Variants in NEBL observed in about 807,000 individuals in gnomAD.
The protein encoded by NEBL is LIM and SH3 protein 2.
Under a neutral mutation model 140.2 loss-of-function variants are expected in NEBL, and 122 were observed. That is an observed-to-expected ratio of 0.87 (90% CI 0.75 to 1.01). The LOEUF (loss-of-function observed/expected upper bound fraction) is 1.01. Among genes scored for constraint, NEBL ranks in the 50% least tolerant of loss-of-function variants. The pLI is 0.00. For missense variants in NEBL, 1,365 were observed against 1,231.3 expected (o/e 1.11, Z -1.62); for synonymous variants, 436 against 398.9 (o/e 1.09, Z -1.11).
chr10:21,275,711 G>A (rs1352965550), intron 1 of NEBL, among the ~76,000 whole-genome samples: 1 of 148,962 alleles, frequency 6.7e-6, no homozygotes, highest in East Asian at 2.0e-4. Context: ...CGGAATCTTG[G>A]CTCACCGCAA....
chr10:21,130,921 A>T (rs1168845029), intron 2 of NEBL, among the ~76,000 whole-genome samples: 2 of 151,956 alleles, frequency 1.3e-5, no homozygotes, highest in Non-Finnish European at 2.9e-5. Context: ...AAAAGCAGGG[A>T]CTCCATACAG....
chr10:21,204,290 C>T (rs372658500), intron 3 of NEBL, among the ~76,000 whole-genome samples: 1 of 152,126 alleles, frequency 6.6e-6, no homozygotes, highest in Non-Finnish European at 1.5e-5. Context: ...AAAATTCATA[C>T]GTTGGAGCTC....
intron 26 of NEBL, among the ~76,000 whole-genome samples, chr10:20,803,271 T>C (rs979574310): frequency 6.6e-6 from 1 of 152,180 alleles, no homozygotes; most frequent in Non-Finnish European, 1.5e-5. Flanking sequence ...ATGTTCCCAA[T>C]ACAAAGAAAT....
intron 3 of NEBL, among the ~76,000 whole-genome samples, chr10:21,205,167 A>G (rs924551937): frequency 1.3e-5 from 2 of 152,244 alleles, no homozygotes; most frequent in African/African-American, 4.8e-5. Flanking sequence ...TGTCTAATTC[A>G]TGACTGAAAC....
chr10:21,265,608 G>C (rs999425025), intron 1 of NEBL, among the ~76,000 whole-genome samples: 1 of 152,202 alleles, frequency 6.6e-6, no homozygotes, highest in African/African-American at 2.4e-5. Flanking sequence ...AAACAGGAAA[G>C]GGAAGAAAGC....
chr10:20,895,114 A>G (rs1324623475), intron 2 of NEBL, among the ~76,000 whole-genome samples: 2 of 152,078 alleles, frequency 1.3e-5, no homozygotes, highest in East Asian at 3.9e-4. Context: ...ACCCCTCACA[A>G]CATGTTGGTT....
intron 4 of NEBL, among the ~76,000 whole-genome samples, chr10:20,906,296 C>T (rs1403874694): frequency 6.6e-6 from 1 of 152,082 alleles, no homozygotes; most frequent in Non-Finnish European, 1.5e-5. Flanking sequence ...CATCAAGTTA[C>T]TAACACCTAT....
In NEBL at chr10:20,980,555, T is replaced by C. The variant is rs192438970; in HGVS notation, c.250-18776A>G. On this transcript the variant is annotated intron_variant, in intron 3 of 6. Transcript: ENST00000417816. ...GCGTGCATGGTACAAACAGTGCAGG[T>C]AGCATGGAGGTGACCACCAGTAACC... Among the ~76,000 whole-genome samples the C allele has an allele frequency of 1.6e-3, 248 of 152,170 alleles. 1 individual carries two copies. The highest frequency in any genetic ancestry group is 5.6e-3 in the African/African-American group (234 of 41,502).
intron 2 of NEBL, among the ~76,000 whole-genome samples, chr10:21,104,392 C>T (rs1328760368): frequency 2.6e-5 from 4 of 152,088 alleles, no homozygotes; most frequent in Admixed American, 2.6e-4. Context: ...TTTCACTAGG[C>T]CTTATTTAAT....
chr10:21,178,612 G>T (rs571617591), upstream of NEBL, among the ~76,000 whole-genome samples: 4 of 152,302 alleles, frequency 2.6e-5, no homozygotes, highest in Admixed American at 2.6e-4. Flanking sequence ...CTGTTTTGGG[G>T]ATTATTCTGC....
chr10:21,214,534 CAT>C (rs1237307604), intron 3 of NEBL, among the ~76,000 whole-genome samples: 2 of 151,174 alleles, frequency 1.3e-5, no homozygotes, highest in Non-Finnish European at 3.0e-5. Flanking sequence ...ATTACACACA[CAT>C]ACACACATGC....
intron 1 of NEBL, among the ~76,000 whole-genome samples, chr10:21,265,847 A>G (rs577309693): frequency 1.3e-5 from 2 of 152,378 alleles, no homozygotes; most frequent in African/African-American, 4.8e-5. Flanking sequence ...GCTGTGTTCC[A>G]ATAACACTTT....
chr10:21,028,799 G>A (rs1292178286), intron 2 of NEBL, among the ~76,000 whole-genome samples: 2 of 151,384 alleles, frequency 1.3e-5, no homozygotes, highest in African/African-American at 4.9e-5. Context: ...AAGACAGAGA[G>A]AAAAAGCATA....
Position 20,860,990 on chromosome 10 carries a change from T to C in NEBL, c.685-1164A>G, listed in dbSNP as rs114922796. ...GTTCCATTTGATAATAAAAAATTTC[T>C]GATATTCTCAATACCTTACAAACTG... On this transcript the variant is annotated intron_variant, in intron 7 of 27. Coordinates refer to ENST00000377122, the MANE Select transcript of NEBL (RefSeq NM_006393.3). Among the ~76,000 whole-genome samples, 340 of 152,320 alleles carry C rather than the reference T, an allele frequency of 2.2e-3. 1 individual carries two copies. Among genetic ancestry groups the C allele is most frequent in the African/African-American group, 8.0e-3 (331 of 41,566 alleles).
chr10:20,847,013 G>A (rs1296858760), intron 11 of NEBL, among the ~76,000 whole-genome samples: 1 of 152,068 alleles, frequency 6.6e-6, no homozygotes, highest in Non-Finnish European at 1.5e-5. Flanking sequence ...ATAGGCCATA[G>A]CAAAGACACC....
At chr10:20,932,397 C>T (rs1834236108) in intron 4 of NEBL, among the ~76,000 whole-genome samples, 2 of 151,242 alleles carry the variant, frequency 1.3e-5, no homozygotes, top group Admixed American at 6.6e-5. Flanking sequence ...AAGAGGGGAG[C>T]ATCACACACC....
chr10:21,158,678 C>G (rs1840432731), intron 2 of NEBL, among the ~76,000 whole-genome samples: 1 of 152,212 alleles, frequency 6.6e-6, no homozygotes, highest in African/African-American at 2.4e-5. Flanking sequence ...ATGCCACCCT[C>G]TGGATGGACA....
intron 1 of NEBL, among the ~76,000 whole-genome samples, chr10:21,263,735 C>A (rs993193259): frequency 2.0e-5 from 3 of 152,170 alleles, no homozygotes; most frequent in Non-Finnish European, 4.4e-5. Flanking sequence ...GAGGCCGAGG[C>A]AGGCGGATCA....
intron 2 of NEBL, among the ~76,000 whole-genome samples, chr10:21,067,858 G>C (rs1835638300): frequency 6.6e-6 from 1 of 152,012 alleles, no homozygotes; most frequent in South Asian, 2.1e-4. Flanking sequence ...GCGAACCTGT[G>C]GTTCCAGCTA....
Sources: gnomAD v4.1 joint callset for allele counts (sites outside exome capture counted in the v4.1 genomes callset) on GRCh38, gnomAD v4.1.1 for gene constraint, MANE v1.5 for transcripts, NCBI Gene and HGNC (gene_info 2026-07-23, HGNC 2026-07-21) for gene names.